OR51B5: variants seen among roughly 807,000 people sequenced by gnomAD.
The protein encoded by OR51B5 is olfactory receptor 51B5.
For missense variants in OR51B5, 456 were observed against 374.6 expected, an observed-to-expected ratio of 1.22 and a Z score of -1.79; for synonymous variants, 186 against 144.8, an observed-to-expected ratio of 1.28 and a Z score of -2.04.
intron 1 of OR51B5, among the ~76,000 whole-genome samples, chr11:5,376,091 A>G (rs1849523696): frequency 6.6e-6 from 1 of 152,178 alleles, no homozygotes; most frequent in African/African-American, 2.4e-5. Flanking sequence ...ATATAAAAGA[A>G]CAGAAATTAT....
At chr11:5,366,700 A>G (rs1849374884) in intron 1 of OR51B5, among the ~76,000 whole-genome samples, 1 of 151,742 alleles carries the variant, frequency 6.6e-6, no homozygotes, top group South Asian at 2.1e-4. Context: ...AAGGAGAAGA[A>G]AAAGTAGAGG....
intron 1 of OR51B5, among the ~76,000 whole-genome samples, chr11:5,466,470 G>A (rs1347355596): frequency 6.6e-6 from 1 of 152,108 alleles, no homozygotes; most frequent in Non-Finnish European, 1.5e-5. Context: ...CAGTAATGTG[G>A]TTTCTGATAT....
At chr11:5,451,768 G>A (rs1364318158) in intron 1 of OR51B5, among the ~76,000 whole-genome samples, 1 of 152,180 alleles carries the variant, frequency 6.6e-6, no homozygotes, top group Non-Finnish European at 1.5e-5. Flanking sequence ...AGAGGTTGGA[G>A]AGGAAAGAGA....
At chr11:5,358,091 C>G (rs1849222291) in intron 1 of OR51B5, among the ~76,000 whole-genome samples, 1 of 151,414 alleles carries the variant, frequency 6.6e-6, no homozygotes, top group African/African-American at 2.4e-5. Flanking sequence ...ACTAGAGAAG[C>G]AAGAGCAAAC....
At chr11:5,463,527 T>C (rs1851090431) in intron 1 of OR51B5, among the ~76,000 whole-genome samples, 1 of 152,224 alleles carries the variant, frequency 6.6e-6, no homozygotes, top group Non-Finnish European at 1.5e-5. Flanking sequence ...AGCAGAGATA[T>C]TTCGTCACTA....
chr11:5,496,631 C>A (rs1851653773), intron 1 of OR51B5, among the ~76,000 whole-genome samples: 1 of 152,138 alleles, frequency 6.6e-6, no homozygotes, highest in Non-Finnish European at 1.5e-5. Context: ...AGAGGGGGAG[C>A]CTCTTTTGAA....
intron 1 of OR51B5, among the ~76,000 whole-genome samples, chr11:5,498,922 TA>T (rs1412589437): frequency 6.6e-6 from 1 of 152,212 alleles, no homozygotes; most frequent in East Asian, 1.9e-4. Context: ...CCCCATTCAA[TA>T]AGGGCTGGAG....
intron 1 of OR51B5, among the ~76,000 whole-genome samples, chr11:5,413,009 C>CTG: frequency 2.0e-5 from 3 of 147,256 alleles, no homozygotes; most frequent in Non-Finnish European, 3.0e-5. Flanking sequence ...TCCCTGACCC[C>CTG]AGAGCAGCCT....
chr11:5,443,203 A>G (rs929104655), intron 1 of OR51B5, among the ~76,000 whole-genome samples: 2 of 152,008 alleles, frequency 1.3e-5, no homozygotes, highest in Non-Finnish European at 2.9e-5. Context: ...CTCTTTTATT[A>G]TTTTTCTCAT....
intron 1 of OR51B5, among the ~76,000 whole-genome samples, chr11:5,484,253 G>T (rs908370540): frequency 6.6e-6 from 1 of 152,224 alleles, no homozygotes; most frequent in South Asian, 2.1e-4. Context: ...GTTAGGAAGG[G>T]TGCCTGTATT....
intron 1 of OR51B5, chr11:5,440,648 G>T: frequency 6.2e-7 from 1 of 1,613,870 alleles, no homozygotes; most frequent in Non-Finnish European, 8.5e-7. Flanking sequence ...TGATAGGGTT[G>T]AGCATGGGTG....
At chr11:5,393,646 T>C (rs966581564) in intron 1 of OR51B5, among the ~76,000 whole-genome samples, 1 of 152,178 alleles carries the variant, frequency 6.6e-6, no homozygotes, top group African/African-American at 2.4e-5. Flanking sequence ...CTAATGTTTA[T>C]TAAGCATTTA....
rs78214713 is a variant in OR51B5, at chr11:5,422,810, C to T, written n.85-75900G>A. 0.011 allele frequency: 17,066 copies of T among 1,614,138 alleles called. 582 individuals carry two copies. The Admixed American group carries it at 0.11, about 10-fold the overall frequency. On this transcript the variant is annotated intron_variant and non_coding_transcript_variant, in intron 1 of 4. Coordinates refer to the OR51B5 transcript ENST00000415970. ...GCTCAACAGCTGGTATGGATTTGCT[C>T]TTGCCTTGCTCATTATTATCGTGGA...
chr11:5,389,981 G>A, intron 1 of OR51B5: 2 of 1,612,522 alleles, frequency 1.2e-6, no homozygotes, highest in South Asian at 2.2e-5. Context: ...CCTGCACCAG[G>A]AAGTGATACA....
chr11:5,358,286 T>C (rs7121626), intron 1 of OR51B5, among the ~76,000 whole-genome samples: 142,833 of 152,084 alleles, frequency 0.94, 67,585 homozygotes, highest in Non-Finnish European at 0.98. Context: ...ATCAAATAGA[T>C]GCAATAAAAA....
intron 1 of OR51B5, chr11:5,468,611 G>C (rs1158759480): frequency 4.4e-6 from 2 of 453,842 alleles, no homozygotes; most frequent in Non-Finnish European, 8.9e-6. Context: ...ATATTCAGGA[G>C]CATGCCTCCC....
chr11:5,351,633 T>TTCTCGGCAATGGCACA, intron 1 of OR51B5: 1 of 1,614,000 alleles, frequency 6.2e-7, no homozygotes, highest in Non-Finnish European at 8.5e-7. Flanking sequence ...GCAATGGCAC[T>TTCTCGGCAATGGCACA]CTTCTCTTTC....
At chr11:5,458,322 T>A (rs1183412828) in intron 1 of OR51B5, among the ~76,000 whole-genome samples, 1 of 152,214 alleles carries the variant, frequency 6.6e-6, no homozygotes, top group Non-Finnish European at 1.5e-5. Context: ...GTTCCATTTG[T>A]CTATTTGTAC....
At position 5,369,152 on chromosome 11, in the gene OR51B5, C is replaced by CT. The variant is rs1480608774; in HGVS notation, n.85-22243dup. 2.0e-5 allele frequency among the ~76,000 whole-genome samples: 3 copies of CT among 152,262 alleles called. No individual in the cohort carries two copies. The East Asian group carries it at 5.8e-4, about 29-fold the overall frequency. ...GTTAGACATACAGAAAGGATGAAGT[C>CT]TTTAAAAATAGGCATTCATTCATTT... is the stretch of plus-strand genomic sequence containing the variant. On this transcript the variant is annotated intron_variant and non_coding_transcript_variant, in intron 1 of 4. Transcript: ENST00000415970.
Sources: allele counts gnomAD v4.1 joint callset (sites outside exome capture counted in the v4.1 genomes callset), GRCh38; gene constraint gnomAD v4.1.1; transcripts MANE v1.5; gene names NCBI Gene and HGNC (gene_info 2026-07-23, HGNC 2026-07-21).